TDRD3: variants seen among roughly 807,000 people sequenced by gnomAD.
The protein encoded by TDRD3 is tudor domain-containing protein 3.
A neutral mutation model predicts 86.7 loss-of-function variants in TDRD3; 45 were observed. The ratio of observed to expected loss-of-function variants is 0.52; its 90% CI spans 0.41 to 0.67. The LOEUF is 0.67. TDRD3 is among the 30% of genes least tolerant of loss of function. TDRD3 has a pLI of 0.00. For missense variants in TDRD3, 814 were observed against 889.0 expected (o/e 0.92, Z 1.07); for synonymous variants, 298 against 301.7 (o/e 0.99, Z 0.13).
chr13:60,445,913 ACAGAGATT>A (rs1380721174), intron 3 of TDRD3, among the ~76,000 whole-genome samples: 1 of 152,222 alleles, frequency 6.6e-6, no homozygotes, highest in African/African-American at 2.4e-5. Context: ...GAATAGTAGT[ACAGAGATT>A]CTTGTCTGCT....
intron 1 of TDRD3, among the ~76,000 whole-genome samples, chr13:60,397,844 C>T (rs1953975847): frequency 6.6e-6 from 1 of 152,084 alleles, no homozygotes; most frequent in Non-Finnish European, 1.5e-5. Context: ...ACGAACGCGG[C>T]CGGAGCCCGC....
chr13:60,567,070 G>A (rs1484376328), intron 12 of TDRD3, among the ~76,000 whole-genome samples: 2 of 152,094 alleles, frequency 1.3e-5, no homozygotes, highest in African/African-American at 4.8e-5. Context: ...ACATTCTTTG[G>A]CTCTTCAACC....
intron 3 of TDRD3, among the ~76,000 whole-genome samples, chr13:60,448,728 T>C (rs1324462061): frequency 6.6e-6 from 1 of 152,176 alleles, no homozygotes; most frequent in Non-Finnish European, 1.5e-5. Context: ...TACAAAGTCC[T>C]AGGACTGCTG....
intron 10 of TDRD3, among the ~76,000 whole-genome samples, chr13:60,527,476 T>C (rs1957468469): frequency 6.6e-6 from 1 of 152,204 alleles, no homozygotes; most frequent in Non-Finnish European, 1.5e-5. Flanking sequence ...TTGATTATGA[T>C]GTATGACAAA....
chr13:60,565,493 C>CCAATA (rs1958437857), intron 12 of TDRD3, among the ~76,000 whole-genome samples: 1 of 152,034 alleles, frequency 6.6e-6, no homozygotes, highest in Non-Finnish European at 1.5e-5. Flanking sequence ...TAGTTCAGTT[C>CCAATA]GTGAATTCTT....
chr13:60,491,582 A>G (rs1172933952), intron 7 of TDRD3, among the ~76,000 whole-genome samples: 1 of 152,238 alleles, frequency 6.6e-6, no homozygotes, highest in African/African-American at 2.4e-5. Context: ...TGTTAAACTT[A>G]TCAAAGGCAA....
chr13:60,477,269 C>G (rs1039237070), intron 5 of TDRD3, among the ~76,000 whole-genome samples: 1 of 151,584 alleles, frequency 6.6e-6, no homozygotes, highest in Non-Finnish European at 1.5e-5. Context: ...GGCTGAAGCA[C>G]AATGGCAGAA....
chr13:60,431,272 TTTTA>T (rs1323771604), intron 1 of TDRD3, among the ~76,000 whole-genome samples: 3 of 152,008 alleles, frequency 2.0e-5, no homozygotes, highest in Admixed American at 2.0e-4. Flanking sequence ...GAGTATAATA[TTTTA>T]CTTGTGAAAC....
rs1242844761 is a variant in TDRD3 at position 60,442,637 on chromosome 13, C to T, written c.127-2046C>T. The stretch of plus-strand genomic sequence containing the variant: ...GATCATTTTCATCTTGCTAAAAATA[C>T]ATCAAAATAACATTTGTATATTTAA... On this transcript the variant is annotated intron_variant, in intron 2 of 13. Coordinates refer to ENST00000377881, the MANE Select transcript of TDRD3 (RefSeq NM_001146070.2). Among the ~76,000 whole-genome samples, 3 of 152,004 alleles carry T rather than the reference C, an allele frequency of 2.0e-5. No homozygotes were observed. The East Asian group carries it at 5.8e-4, about 29-fold the overall frequency.
intron 8 of TDRD3, among the ~76,000 whole-genome samples, chr13:60,501,880 A>G (rs572636133): frequency 6.6e-6 from 1 of 152,354 alleles, no homozygotes; most frequent in Admixed American, 6.5e-5. Context: ...CAGTGATAGT[A>G]AAATTTTTAT....
rs1956437500 is a variant in TDRD3, at chr13:60,486,441, T to G, written c.717+493T>G. Among the ~76,000 whole-genome samples, 2 of 152,184 alleles carry G rather than the reference T, an allele frequency of 1.3e-5. 1 individual carries two copies. Among genetic ancestry groups the G allele is most frequent in the South Asian group, 4.1e-4 (2 of 4,836 alleles). On this transcript the variant is annotated intron_variant, in intron 7 of 13. Coordinates refer to ENST00000377881, the MANE Select transcript of TDRD3 (RefSeq NM_001146070.2). ...ATTTAGTGTATAGTAAAAAATAATT[T>G]TATCTTTACATTATATGTCTATTTA...
chr13:60,515,548 G>C (rs1957149863), intron 10 of TDRD3, among the ~76,000 whole-genome samples: 1 of 152,164 alleles, frequency 6.6e-6, no homozygotes, highest in Non-Finnish European at 1.5e-5. Flanking sequence ...GTCTTCATGG[G>C]TACAATGAAG....
At chr13:60,565,639 C>T (rs1566310915) in intron 12 of TDRD3, among the ~76,000 whole-genome samples, 1 of 152,034 alleles carries the variant, frequency 6.6e-6, no homozygotes, top group Non-Finnish European at 1.5e-5. Flanking sequence ...TAGATGTTCT[C>T]CAGCCAATTC....
chr13:60,497,525 A>G (rs537022550), intron 8 of TDRD3, among the ~76,000 whole-genome samples: 2 of 152,352 alleles, frequency 1.3e-5, no homozygotes, highest in South Asian at 4.1e-4. Context: ...TAGTCGGCCT[A>G]GGAAATCCAG....
chr13:60,410,396 C>A (rs566855333), intron 1 of TDRD3, among the ~76,000 whole-genome samples: 1 of 152,230 alleles, frequency 6.6e-6, no homozygotes, highest in Admixed American at 6.5e-5. Context: ...ACAGAGTTTA[C>A]TCTTGTTATC....
At chr13:60,571,473 A>AATATATTC (rs1231142222) in intron 13 of TDRD3, among the ~76,000 whole-genome samples, 3 of 152,256 alleles carry the variant, frequency 2.0e-5, no homozygotes, top group Non-Finnish European at 4.4e-5. Flanking sequence ...GAAATTTTCT[A>AATATATTC]AGGTTTTGTT....
At chr13:60,539,807 G>T (rs1957771824) in intron 12 of TDRD3, among the ~76,000 whole-genome samples, 1 of 151,826 alleles carries the variant, frequency 6.6e-6, no homozygotes, top group Non-Finnish European at 1.5e-5. Context: ...TAATGAGGAG[G>T]GTGATGGAGA....
At chr13:60,551,810 G>A (rs1453363252) in intron 12 of TDRD3, among the ~76,000 whole-genome samples, 1 of 152,134 alleles carries the variant, frequency 6.6e-6, no homozygotes, top group African/African-American at 2.4e-5. Context: ...GGAGAAACAA[G>A]CACCTTCTTC....
intron 12 of TDRD3, chr13:60,536,333 T>C (rs1438164644): frequency 6.6e-6 from 1 of 152,132 alleles, no homozygotes; most frequent in East Asian, 1.9e-4. Flanking sequence ...ATGGCTCATA[T>C]GTTTAATTAA....
Sources: gnomAD v4.1 joint callset for allele counts (sites outside exome capture counted in the v4.1 genomes callset) on GRCh38, gnomAD v4.1.1 for gene constraint, MANE v1.5 for transcripts, NCBI Gene and HGNC (gene_info 2026-07-23, HGNC 2026-07-21) for gene names.